The following KCNQ1 variants were observed in gnomAD, a reference collection of about 807,000 sequenced individuals.
KCNQ1 encodes potassium voltage-gated channel subfamily KQT member 1.
In KCNQ1, 49 loss-of-function variants were observed where a neutral mutation model predicts 72.4. The observed-to-expected ratio is 0.68, with a 90% CI of 0.54 to 0.86. The LOEUF (loss-of-function observed/expected upper bound fraction) is 0.86, where lower values mean the gene tolerates loss of function less well. KCNQ1 is among the 40% of genes least tolerant of loss of function. The probability of loss-of-function intolerance (pLI) is 0.00; values close to 1 mark genes in which losing one functional copy is unlikely to be tolerated. For missense variants in KCNQ1, 790 were observed against 945.1 expected (o/e 0.84, Z 2.15); for synonymous variants, 450 against 412.6 (o/e 1.09, Z -1.10).
rs1355419316 is a variant in KCNQ1 at position 2,483,483 on chromosome 11, C to T, written c.386+37999C>T. Among the ~76,000 whole-genome samples, 6 of 152,168 alleles carry T rather than the reference C, an allele frequency of 3.9e-5. No homozygotes were observed. The highest frequency in any genetic ancestry group is 1.4e-4 in the African/African-American group (6 of 41,438). ...TGATTCAAATCCCGCGTTTTTCTAG[C>T]ATCCGGTTTCTGTTCTGTGATCCCC... On this transcript the variant is annotated intron_variant, in intron 1 of 15. Coordinates refer to ENST00000155840, the MANE Select transcript of KCNQ1 (RefSeq NM_000218.3). This position sits in a 1 kb window ranked among gnomAD's most constrained non-coding sequence, Gnocchi z 6.1.
At chr11:2,513,192 C>T (rs924255795) in intron 1 of KCNQ1, among the ~76,000 whole-genome samples, 1 of 152,154 alleles carries the variant, frequency 6.6e-6, no homozygotes, top group Admixed American at 6.5e-5. Context: ...CGACCAGGAC[C>T]TTTGTACTCT....
intron 1 of KCNQ1, among the ~76,000 whole-genome samples, chr11:2,487,387 A>G (rs1386236341): frequency 6.6e-6 from 1 of 152,070 alleles, no homozygotes; most frequent in Non-Finnish European, 1.5e-5. Context: ...GAATTTTAGG[A>G]TGGGTTTTTC....
rs1273126473 is a variant in KCNQ1, at chr11:2,691,071, T to C, written c.1514+28990T>C. ...GGGTGAGGGAAATAATGGAGGCACCTTTGTTCTAGATGCCTGCAGATTCCT... is the reference window on the plus strand; with the variant it reads ...GGGTGAGGGAAATAATGGAGGCACCCTTGTTCTAGATGCCTGCAGATTCCT... On this transcript the variant is annotated intron_variant, in intron 11 of 15. Transcript: ENST00000155840. This position sits in a 1 kb window ranked among gnomAD's most constrained non-coding sequence, Gnocchi z 6.4. 2.5e-6 allele frequency: 1 copy of C among 398,654 alleles called. No individual in the cohort carries two copies. Among genetic ancestry groups the C allele is most frequent in the Non-Finnish European group, 4.4e-6 (1 of 226,090 alleles). The allele number at this position is 398,654 out of a possible 1,614,324, so 24.7% of individuals were successfully genotyped here.
rs1224497354 is a variant in KCNQ1 at position 2,603,485 on chromosome 11, A to T, written c.1393+14631A>T. Among the ~76,000 whole-genome samples, 1 of 152,128 alleles carries T rather than the reference A, an allele frequency of 6.6e-6. No homozygotes were observed. The highest frequency in any genetic ancestry group is 1.5e-5 in the Non-Finnish European group (1 of 68,018). On this transcript the variant is annotated intron_variant, in intron 10 of 15. Coordinates refer to ENST00000155840, the MANE Select transcript of KCNQ1 (RefSeq NM_000218.3). The surrounding 1 kb of genome is among the most constrained non-coding windows in gnomAD (Gnocchi z 4.1). ...GCCACTCCAGTTTGAGAACATTTTT[A>T]TCATTCCAAAAAGAAACCCAGTGCC...
At position 2,627,255 on chromosome 11, in the gene KCNQ1, G is replaced by T. The variant is rs905619920; in HGVS notation, c.1394-34706G>T. The T allele has an allele frequency of 2.8e-5, 11 of 398,378 alleles. No individual in the cohort carries two copies. The highest frequency in any genetic ancestry group is 4.4e-5 in the Non-Finnish European group (10 of 226,052). 24.7% of individuals were successfully genotyped at this position (398,378 alleles called of 1,614,324 possible). ...GAACATATTTGACCTACTGTGAAAT[G>T]ATTACTACAATCAAGCCAATTAACA... is the stretch of plus-strand genomic sequence containing the variant. On this transcript the variant is annotated intron_variant, in intron 10 of 15. Coordinates refer to ENST00000155840, the MANE Select transcript of KCNQ1 (RefSeq NM_000218.3). This position sits in a 1 kb window ranked among gnomAD's most constrained non-coding sequence, Gnocchi z 4.9.
intron 5 of KCNQ1, among the ~76,000 whole-genome samples, chr11:2,572,333 G>A (rs1848350193): frequency 6.6e-6 from 1 of 152,188 alleles, no homozygotes; most frequent in East Asian, 1.9e-4. Flanking sequence ...TGGCCTGCCA[G>A]GCTGATGGTG....
rs1050769105 is a variant in KCNQ1 at position 2,477,785 on chromosome 11, A to G, written c.386+32301A>G. On this transcript the variant is annotated intron_variant, in intron 1 of 15. Transcript: ENST00000155840. The surrounding 1 kb of genome is among the most constrained non-coding windows in gnomAD (Gnocchi z 5.0). Reference sequence around the variant, plus strand: ...CACACATGCACACACAACAGTGGTAATGGATTATAATTCATGAAAAAAGAA... The same window carrying G: ...CACACATGCACACACAACAGTGGTAGTGGATTATAATTCATGAAAAAAGAA... 6.6e-6 allele frequency among the ~76,000 whole-genome samples: 1 copy of G among 152,118 alleles called. No homozygotes were observed. The highest frequency in any genetic ancestry group is 2.4e-5 in the African/African-American group (1 of 41,410).
intron 1 of KCNQ1, among the ~76,000 whole-genome samples, chr11:2,454,212 A>T (rs1564785217): frequency 6.6e-6 from 1 of 152,168 alleles, no homozygotes; most frequent in Non-Finnish European, 1.5e-5. Context: ...AGTTTACCTC[A>T]AAAGGGTGGC....
rs1455051551 is a variant in KCNQ1, at chr11:2,536,709, C to T, written c.477+8691C>T. Among the ~76,000 whole-genome samples, 1 of 150,888 alleles carries T rather than the reference C, an allele frequency of 6.6e-6. No homozygotes were observed. The highest frequency in any genetic ancestry group is 1.5e-5 in the Non-Finnish European group (1 of 68,018). ...CCCTCCCAGCCTGCCAGAGGGACCG[C>T]TGGGCCTATCTCCAGCCACGTGGGT... On this transcript the variant is annotated intron_variant, in intron 2 of 15. Transcript: ENST00000155840. The surrounding 1 kb of genome is among the most constrained non-coding windows in gnomAD (Gnocchi z 7.4).
intron 15 of KCNQ1, among the ~76,000 whole-genome samples, chr11:2,804,738 G>A (rs1005345085): frequency 4.6e-5 from 7 of 152,294 alleles, no homozygotes; most frequent in South Asian, 2.1e-4. Flanking sequence ...CCTTGCAGAC[G>A]GAGGCGACAC....
Position 2,547,691 on chromosome 11 carries a change from A to G in KCNQ1, c.477+19673A>G, listed in dbSNP as rs959362932. On this transcript the variant is annotated intron_variant, in intron 2 of 15. Coordinates refer to ENST00000155840, the MANE Select transcript of KCNQ1 (RefSeq NM_000218.3). This position sits in a 1 kb window ranked among gnomAD's most constrained non-coding sequence, Gnocchi z 4.2. ...ATACCACAAACAATAAGCTGACTCCATTTCCATCTTTTATAAGTTCAGACC... is the reference window on the plus strand; with the variant it reads ...ATACCACAAACAATAAGCTGACTCCGTTTCCATCTTTTATAAGTTCAGACC... 6.6e-6 allele frequency among the ~76,000 whole-genome samples: 1 copy of G among 152,102 alleles called. No individual in the cohort carries two copies. Among genetic ancestry groups the G allele is most frequent in the African/African-American group, 2.4e-5 (1 of 41,400 alleles).
chr11:2,605,451 TTTGAG>T (rs1490366972), intron 10 of KCNQ1, among the ~76,000 whole-genome samples: 2 of 152,232 alleles, frequency 1.3e-5, no homozygotes, highest in African/African-American at 2.4e-5. Context: ...TTTGATCCAC[TTTGAG>T]TTAATTTTTA....
rs533458521 is a variant in KCNQ1, at chr11:2,517,026, C to T, written c.387-10902C>T. Among the ~76,000 whole-genome samples the T allele has an allele frequency of 4.6e-5, 7 of 152,300 alleles. No individual in the cohort carries two copies. The East Asian group carries it at 1.4e-3, about 29-fold the overall frequency. ...CAGGGCCCTCAAGCACGGCTGTGTT[C>T]ACCCCCCAGGCTGCTCCTGGAAAGG... On this transcript the variant is annotated intron_variant, in intron 1 of 15. Coordinates refer to ENST00000155840, the MANE Select transcript of KCNQ1 (RefSeq NM_000218.3).
chr11:2,846,432 C>T (rs570750206), intron 15 of KCNQ1, among the ~76,000 whole-genome samples: 1 of 152,338 alleles, frequency 6.6e-6, no homozygotes, highest in African/African-American at 2.4e-5. Context: ...CCACAGAGCA[C>T]GCTGAGGGGC....
intron 1 of KCNQ1, among the ~76,000 whole-genome samples, chr11:2,487,933 C>T (rs1301495791): frequency 6.6e-6 from 1 of 152,068 alleles, no homozygotes; most frequent in Non-Finnish European, 1.5e-5. Context: ...TGAAAGTGGT[C>T]ACCCTGGCCT....
At chr11:2,795,095 C>T (rs978858139) in intron 15 of KCNQ1, among the ~76,000 whole-genome samples, 9 of 152,186 alleles carry the variant, frequency 5.9e-5, no homozygotes, top group Admixed American at 2.0e-4. Context: ...CCTCCTCCCA[C>T]GTCCCACTCA....
chr11:2,685,625 CA>C, intron 11 of KCNQ1: 3 of 398,668 alleles, frequency 7.5e-6, no homozygotes, highest in Non-Finnish European at 1.3e-5. Flanking sequence ...GTTGCCATTC[CA>C]CTCAGGGTTG....
At chr11:2,504,498 G>A (rs1293135598) in intron 1 of KCNQ1, among the ~76,000 whole-genome samples, 1 of 152,216 alleles carries the variant, frequency 6.6e-6, no homozygotes, top group African/African-American at 2.4e-5. Flanking sequence ...GCTCACAGCT[G>A]TAATTTCAGC....
Position 2,719,343 on chromosome 11 carries a change from A to AAAC in KCNQ1, c.1515-49499_1515-49498insCAA, listed in dbSNP as rs1851163926. ...ACTCTGTCTCTACCAAAAAAAAAAAAAAAAGAGCCATACAAGGTGGTGCGT... is the reference window on the plus strand; with the variant it reads ...ACTCTGTCTCTACCAAAAAAAAAAAAAACAAAAGAGCCATACAAGGTGGTGCGT... On this transcript the variant is annotated intron_variant, in intron 11 of 15. Transcript: ENST00000155840. 2.0e-5 allele frequency among the ~76,000 whole-genome samples: 3 copies of AAAC among 151,702 alleles called. No homozygotes were observed. In the South Asian group the frequency reaches 6.3e-4, roughly 32 times the overall value.
Sources: allele counts gnomAD v4.1 joint callset (sites outside exome capture counted in the v4.1 genomes callset), GRCh38; gene constraint gnomAD v4.1.1; non-coding constraint Gnocchi (gnomAD v3.1); transcripts MANE v1.5; gene names NCBI Gene and HGNC (gene_info 2026-07-23, HGNC 2026-07-21).